Variants in CRTC1 observed in about 807,000 individuals in gnomAD.
CRTC1 encodes the protein CREB regulated transcription coactivator 1.
A neutral mutation model predicts 66.1 loss-of-function variants in CRTC1; 18 were observed. The ratio of observed to expected loss-of-function variants is 0.27; its 90% CI spans 0.19 to 0.40. CRTC1 has a LOEUF of 0.40. Ranked by LOEUF, CRTC1 falls within the 10% of genes least tolerant of loss-of-function variation. The pLI is 1.00. For missense variants in CRTC1, 669 were observed against 887.9 expected (o/e 0.75, Z 3.13); for synonymous variants, 416 against 398.8 (o/e 1.04, Z -0.51).
At chr19:18,759,486 G>A in intron 6 of CRTC1, 65 bp from the exon 7 acceptor site, 1 of 1,546,728 alleles carries the variant, frequency 6.5e-7, no homozygotes, top group South Asian at 1.1e-5. Context: ...AGGAGGCCCA[G>A]TGCCCAGGAG....
chr19:18,709,946 G>A (rs2053351505), intron 1 of CRTC1, among the ~76,000 whole-genome samples: 1 of 152,170 alleles, frequency 6.6e-6, no homozygotes, highest in Non-Finnish European at 1.5e-5. Flanking sequence ...AATCCTTCCA[G>A]CGGCTTCTCG....
In CRTC1 at chr19:18,741,995, C is replaced by T. The variant is rs767657675; in HGVS notation, c.127-915C>T. Among the ~76,000 whole-genome samples, 2 of 152,130 alleles carry T rather than the reference C, an allele frequency of 1.3e-5. No individual in the cohort carries two copies. Among genetic ancestry groups the T allele is most frequent in the Non-Finnish European group, 1.5e-5 (1 of 67,982 alleles). On this transcript the variant is annotated intron_variant, in intron 1 of 13. Transcript: ENST00000321949. This position sits in a 1 kb window ranked among gnomAD's most constrained non-coding sequence, Gnocchi z 4.2. ...CACCCTAGCAACCGCCCCTGCCGGG[C>T]CAGAGTGGACAACCACCCCTCCTTC...
rs188489806 is a variant in CRTC1, at chr19:18,743,756, C to T, written c.243+730C>T. Among the ~76,000 whole-genome samples the T allele has an allele frequency of 8.3e-4, 126 of 152,354 alleles. 1 individual carries two copies. The highest frequency in any genetic ancestry group is 3.4e-3 in the Middle Eastern group (1 of 294). ...CCAGCTCCACCGCCACCTGCACCGC[C>T]GCTGGACAGGGCAGGGATCCTTGGG... On this transcript the variant is annotated intron_variant, in intron 2 of 13. Coordinates refer to ENST00000321949, the MANE Select transcript of CRTC1 (RefSeq NM_015321.3).
At chr19:18,733,575 C>T (rs971179087) in intron 1 of CRTC1, among the ~76,000 whole-genome samples, 9 of 152,204 alleles carry the variant, frequency 5.9e-5, no homozygotes, top group African/African-American at 2.2e-4. Context: ...CTGGAATCCA[C>T]GTGCCCCTGA....
chr19:18,745,208 G>A (rs2054203268), intron 2 of CRTC1, among the ~76,000 whole-genome samples: 1 of 152,222 alleles, frequency 6.6e-6, no homozygotes, highest in Admixed American at 6.5e-5. Flanking sequence ...GCTCCGGAAG[G>A]CGCCTGTACT....
intron 11 of CRTC1, among the ~76,000 whole-genome samples, chr19:18,773,705 G>A (rs1215439751): frequency 6.6e-6 from 1 of 152,172 alleles, no homozygotes. Context: ...TTTGCCACAC[G>A]TGCTGGCCTT....
At chr19:18,770,026 G>A (rs1252260341) in intron 10 of CRTC1, among the ~76,000 whole-genome samples, 2 of 14,694 alleles carry the variant, frequency 1.4e-4, no homozygotes, top group South Asian at 2.4e-3. Flanking sequence ...ACCCCACCCC[G>A]CCCCACCTGG....
intron 1 of CRTC1, among the ~76,000 whole-genome samples, chr19:18,702,683 C>T (rs1460248847): frequency 5.3e-5 from 8 of 150,422 alleles, no homozygotes; most frequent in Non-Finnish European, 7.4e-5. Flanking sequence ...TTCAGGTATG[C>T]GCCACCACAC....
In CRTC1 at chr19:18,745,900, G is replaced by C. The variant is rs1471254436; in HGVS notation, c.321G>C (p.Glu107Asp). Reference sequence around the variant, plus strand: ...GGCTGGTGGACAGGGTGTACCGGGAGCGTGGCCGGCTCGGCTCCCCACACC... The same window carrying C: ...GGCTGGTGGACAGGGTGTACCGGGACCGTGGCCGGCTCGGCTCCCCACACC... ...HHGLVDRVYR[E>D]RGRLGSPHRR... The change falls in exon 3 of 14, where the codon GAG becomes GAC. Residue 107 changes from glutamate to aspartate, a missense_variant. By Grantham distance (45) the Glu-to-Asp change is conservative. This residue lies in a region of CRTC1 where 214 missense variants were observed against 323.4 expected (regional missense o/e 0.66). Coordinates refer to ENST00000321949, the MANE Select transcript of CRTC1 (RefSeq NM_015321.3). The C allele has an allele frequency of 2.5e-6, 4 of 1,613,246 alleles. No individual in the cohort carries two copies. Among genetic ancestry groups the C allele is most frequent in the East Asian group, 4.5e-5 (2 of 44,884 alleles).
chr19:18,764,718 C>T (rs2054690193), intron 8 of CRTC1, among the ~76,000 whole-genome samples: 1 of 152,176 alleles, frequency 6.6e-6, no homozygotes, highest in South Asian at 2.1e-4. Context: ...GGTGGCACTG[C>T]AGCTTGGGGA....
intron 1 of CRTC1, among the ~76,000 whole-genome samples, chr19:18,693,093 AAG>A: frequency 6.8e-6 from 1 of 147,510 alleles, no homozygotes; most frequent in Non-Finnish European, 1.5e-5. Context: ...AAAAAAAAAA[AAG>A]AAATTCATTT....
chr19:18,721,294 C>T (rs1428434993), intron 1 of CRTC1, among the ~76,000 whole-genome samples: 2 of 150,658 alleles, frequency 1.3e-5, no homozygotes, highest in African/African-American at 2.4e-5. Flanking sequence ...CCTGGGTTCA[C>T]GCCATTCTCC....
intron 13 of CRTC1, 123 bp downstream of exon 13, chr19:18,775,944 A>T (rs192173412): frequency 3.7e-6 from 4 of 1,081,052 alleles, no homozygotes; most frequent in African/African-American, 3.2e-5. Flanking sequence ...CCCAAGCTTG[A>T]TGGGGGCCTG....
rs907409901 is a variant in CRTC1, at chr19:18,758,609, C to T, written c.625-942C>T. Among the ~76,000 whole-genome samples the T allele has an allele frequency of 5.3e-5, 8 of 152,212 alleles. No homozygotes were observed. In the East Asian group the frequency reaches 9.7e-4, roughly 18 times the overall value. ...CTGCCCACATAGCAGAGGGACGTCT[C>T]GGGACTCTCAGGAAGTAGCAGACCC... On this transcript the variant is annotated intron_variant, in intron 6 of 13. Transcript: ENST00000321949.
intron 5 of CRTC1, among the ~76,000 whole-genome samples, chr19:18,752,147 CAAAAA>C (rs35618318): frequency 1.1e-5 from 1 of 90,624 alleles, no homozygotes; most frequent in African/African-American, 4.3e-5. Flanking sequence ...AAGACTGTCT[CAAAAA>C]AAAAAAAAAA....
Position 18,697,454 on chromosome 19 carries a change from C to T in CRTC1, c.126+13626C>T, listed in dbSNP as rs1333943483. Among the ~76,000 whole-genome samples the T allele has an allele frequency of 3.9e-5, 6 of 152,194 alleles. No individual in the cohort carries two copies. In the East Asian group the frequency reaches 1.2e-3, roughly 29 times the overall value. Reference sequence around the variant, plus strand: ...CCTCCTGAATAGCTGGGATTACAAGCGTGCACCGCCATACCTGGCTAATTT... The same window carrying T: ...CCTCCTGAATAGCTGGGATTACAAGTGTGCACCGCCATACCTGGCTAATTT... On this transcript the variant is annotated intron_variant, in intron 1 of 13. Coordinates refer to ENST00000321949, the MANE Select transcript of CRTC1 (RefSeq NM_015321.3).
Position 18,765,759 on chromosome 19 carries a change from G to A in CRTC1, c.1011+231G>A, listed in dbSNP as rs530321844. ...GTGGATCAGTTGAGGTCAGGAGTTC[G>A]AGACCAGCCTGGCCAACATGGTGAA... On this transcript the variant is annotated intron_variant, in intron 9 of 13. Transcript: ENST00000321949. Among the ~76,000 whole-genome samples, 11 of 152,206 alleles carry A rather than the reference G, an allele frequency of 7.2e-5. No individual in the cohort carries two copies. The South Asian group carries it at 2.1e-3, about 29-fold the overall frequency.
intron 6 of CRTC1, 107 bp downstream of exon 6, chr19:18,753,692 G>A: frequency 1.4e-6 from 1 of 727,926 alleles, no homozygotes; most frequent in Non-Finnish European, 2.4e-6. Context: ...ACCTTCCCAA[G>A]ACAGGGAACC....
intron 1 of CRTC1, among the ~76,000 whole-genome samples, chr19:18,693,825 G>C (rs1043524946): frequency 6.6e-6 from 1 of 150,392 alleles, no homozygotes; most frequent in Non-Finnish European, 1.5e-5. Flanking sequence ...ACTCTGTTTT[G>C]TTCTAATATG....
Sources: allele counts gnomAD v4.1 joint callset (sites outside exome capture counted in the v4.1 genomes callset), GRCh38; gene constraint gnomAD v4.1.1; regional missense constraint gnomAD v4.1.1; non-coding constraint Gnocchi (gnomAD v3.1); transcripts MANE v1.5; gene names NCBI Gene and HGNC (gene_info 2026-07-23, HGNC 2026-07-21).